Variants in POU2AF2 observed in about 807,000 individuals in gnomAD.
POU2AF2 encodes POU domain class 2-associating factor 2.
the POU2AF2 span, chr11:111,284,201 G>A: frequency 1.9e-6 from 3 of 1,614,098 alleles, no homozygotes; most frequent in South Asian, 2.2e-5. Context: ...GTTTCCCTGT[G>A]AGTCCTCCGC....
the POU2AF2 span, chr11:111,284,094 G>A: frequency 6.2e-7 from 1 of 1,614,168 alleles, no homozygotes; most frequent in African/African-American, 1.3e-5. Flanking sequence ...GTCACGTCAG[G>A]TTACTACGGT....
the POU2AF2 span, among the ~76,000 whole-genome samples, chr11:111,259,267 T>C: frequency 3.3e-5 from 5 of 151,638 alleles, no homozygotes; most frequent in East Asian, 9.7e-4. Context: ...ATTTCAAAGC[T>C]GCACAGTTTA....
At chr11:111,256,497 T>C in the POU2AF2 span, among the ~76,000 whole-genome samples, 4 of 152,358 alleles carry the variant, frequency 2.6e-5, no homozygotes, top group Middle Eastern at 3.4e-3. Flanking sequence ...CTGGTGCTCC[T>C]CCTGACTGAG....
At chr11:111,252,258 A>G in the POU2AF2 span, among the ~76,000 whole-genome samples, 1 of 152,094 alleles carries the variant, frequency 6.6e-6, no homozygotes, top group Non-Finnish European at 1.5e-5. Context: ...CTCCACAGGA[A>G]CCTTCTAAAG....
the POU2AF2 span, among the ~76,000 whole-genome samples, chr11:111,264,932 GAA>G: frequency 4.3e-5 from 5 of 115,518 alleles, no homozygotes; most frequent in African/African-American, 1.7e-4. Context: ...AAAGAAGAAA[GAA>G]AGAGGGAGGG....
At chr11:111,284,165 G>A in the POU2AF2 span, 2 of 1,614,104 alleles carry the variant, frequency 1.2e-6, no homozygotes, top group Middle Eastern at 1.6e-4. Context: ...TTCAAATGAC[G>A]TCTACACCTC....
chr11:111,278,383 T>C, the POU2AF2 span, among the ~76,000 whole-genome samples: 1 of 152,222 alleles, frequency 6.6e-6, no homozygotes, highest in African/African-American at 2.4e-5. Context: ...ATATTACAGA[T>C]TGCAATTGCA....
chr11:111,262,706 C>T, the POU2AF2 span, among the ~76,000 whole-genome samples: 2 of 152,226 alleles, frequency 1.3e-5, no homozygotes, highest in African/African-American at 4.8e-5. Flanking sequence ...CCCTTCTCTT[C>T]TCTGAGCCTC....
the POU2AF2 span, among the ~76,000 whole-genome samples, chr11:111,276,453 A>AAAAAAAAAT: frequency 2.9e-4 from 11 of 37,672 alleles, no homozygotes; most frequent in East Asian, 1.2e-3. Flanking sequence ...AAAAAAAAAA[A>AAAAAAAAAT]ATATATATAT....
chr11:111,261,870 G>A, the POU2AF2 span, among the ~76,000 whole-genome samples: 2 of 152,072 alleles, frequency 1.3e-5, no homozygotes, highest in African/African-American at 4.8e-5. Context: ...GTTTTTAGAA[G>A]GTCTGAATTG....
chr11:111,283,829 G>A, the POU2AF2 span, among the ~76,000 whole-genome samples: 1 of 152,146 alleles, frequency 6.6e-6, no homozygotes, highest in African/African-American at 2.4e-5. Context: ...AAATGTGAAT[G>A]AATGAACAGA....
At chr11:111,261,512 T>C in the POU2AF2 span, among the ~76,000 whole-genome samples, 3 of 152,216 alleles carry the variant, frequency 2.0e-5, no homozygotes, top group African/African-American at 7.2e-5. Flanking sequence ...ATCAAGTTTT[T>C]CTTAAGCTAT....
the POU2AF2 span, among the ~76,000 whole-genome samples, chr11:111,264,269 G>A: frequency 2.0e-5 from 3 of 151,912 alleles, no homozygotes; most frequent in African/African-American, 7.3e-5. Context: ...GCCGAGGTGG[G>A]CAGATCTCTT....
chr11:111,259,153 C>T, the POU2AF2 span, among the ~76,000 whole-genome samples: 1 of 152,116 alleles, frequency 6.6e-6, no homozygotes, highest in Non-Finnish European at 1.5e-5. Flanking sequence ...AGGGCACTTT[C>T]TCATGTGTTG....
At chr11:111,251,449 G>A in the POU2AF2 span, among the ~76,000 whole-genome samples, 2 of 152,188 alleles carry the variant, frequency 1.3e-5, no homozygotes, top group Admixed American at 6.5e-5. Flanking sequence ...AATCATAAAT[G>A]GATATCCAAG....
the POU2AF2 span, among the ~76,000 whole-genome samples, chr11:111,260,799 T>C: frequency 2.0e-5 from 3 of 152,256 alleles, no homozygotes; most frequent in Admixed American, 2.0e-4. Flanking sequence ...ACAGCCATCC[T>C]AGAAAACTAA....
chr11:111,245,930 A>C, the POU2AF2 span: 1 of 398,134 alleles, frequency 2.5e-6, no homozygotes, highest in Non-Finnish European at 4.4e-6. Flanking sequence ...TGATAACACA[A>C]AGTCATAACA....
chr11:111,275,791 T>C, the POU2AF2 span, among the ~76,000 whole-genome samples: 1 of 152,150 alleles, frequency 6.6e-6, no homozygotes, highest in Non-Finnish European at 1.5e-5. Flanking sequence ...TGTCAAAATT[T>C]ACCAAATAGA....
the POU2AF2 span, chr11:111,284,351 CCCGGAGA>C: frequency 1.2e-6 from 2 of 1,608,492 alleles, no homozygotes; most frequent in Non-Finnish European, 8.5e-7. Context: ...ACCGCCCTTC[CCCGGAGA>C]CCCAGCTCAC....
Sources: allele counts gnomAD v4.1 joint callset (sites outside exome capture counted in the v4.1 genomes callset), GRCh38; gene constraint gnomAD v4.1.1; transcripts MANE v1.5; gene names NCBI Gene and HGNC (gene_info 2026-07-23, HGNC 2026-07-21).